The following GRID2 variants were observed in gnomAD, a reference collection of about 807,000 sequenced individuals.
The protein encoded by GRID2 is glutamate receptor ionotropic, delta-2.
Under a neutral mutation model 114.8 loss-of-function variants are expected in GRID2, and 33 were observed. The ratio of observed to expected loss-of-function variants is 0.29; its 90% CI spans 0.22 to 0.38. The LOEUF (loss-of-function observed/expected upper bound fraction) is 0.38, where lower values mean the gene tolerates loss of function less well. Among genes scored for constraint, GRID2 ranks in the 10% least tolerant of loss-of-function variants. The pLI, the probability that GRID2 is intolerant of heterozygous loss-of-function variation, is 1.00. For missense variants in GRID2, 1,184 were observed against 1,257.7 expected, an observed-to-expected ratio of 0.94 and a Z score of 0.89; for synonymous variants, 505 against 449.9, an observed-to-expected ratio of 1.12 and a Z score of -1.55.
intron 2 of GRID2, among the ~76,000 whole-genome samples, chr4:92,909,346 GC>G (rs1437749614): frequency 1.3e-5 from 2 of 150,830 alleles, no homozygotes; most frequent in Admixed American, 6.6e-5. Flanking sequence ...TAATAAAAGA[GC>G]ACTTTTTCAC....
At chr4:93,477,432 T>C (rs1370451658) in intron 11 of GRID2, among the ~76,000 whole-genome samples, 1 of 152,136 alleles carries the variant, frequency 6.6e-6, no homozygotes, top group African/African-American at 2.4e-5. Context: ...TATTGTGAGA[T>C]GCAAACCTAT....
At chr4:93,700,402 A>G (rs1443513568) in intron 14 of GRID2, among the ~76,000 whole-genome samples, 1 of 152,152 alleles carries the variant, frequency 6.6e-6, no homozygotes, top group Non-Finnish European at 1.5e-5. Context: ...GAACATTTCG[A>G]TTGACTCAAT....
At chr4:92,350,583 T>G (rs187620550) in intron 1 of GRID2, among the ~76,000 whole-genome samples, 1 of 151,886 alleles carries the variant, frequency 6.6e-6, no homozygotes, top group Non-Finnish European at 1.5e-5. Flanking sequence ...TATTTGTTTG[T>G]TGACGTTTAA....
At chr4:93,223,114 T>G (rs1035313904) in intron 6 of GRID2, among the ~76,000 whole-genome samples, 1 of 152,150 alleles carries the variant, frequency 6.6e-6, no homozygotes, top group Non-Finnish European at 1.5e-5. Flanking sequence ...TCCTGTTGGG[T>G]CTTTACTGCC....
intron 1 of GRID2, among the ~76,000 whole-genome samples, chr4:92,519,311 T>C (rs757710061): frequency 8.6e-5 from 13 of 151,824 alleles, no homozygotes; most frequent in Non-Finnish European, 1.9e-4. Context: ...ACCCATAAGT[T>C]ATTGTGAAGA....
At chr4:93,726,012 G>T (rs1189519057) in intron 14 of GRID2, among the ~76,000 whole-genome samples, 11 of 152,166 alleles carry the variant, frequency 7.2e-5, no homozygotes, top group Admixed American at 7.2e-4. Flanking sequence ...TCAATCTTTG[G>T]CTTTGGTTGC....
chr4:93,287,673 A>G (rs1483351544), intron 8 of GRID2, among the ~76,000 whole-genome samples: 6 of 152,226 alleles, frequency 3.9e-5, no homozygotes, highest in Admixed American at 3.3e-4. Flanking sequence ...TTCCTAATCT[A>G]TAAACATGTG....
chr4:93,218,134 G>A (rs1744451690), intron 6 of GRID2, among the ~76,000 whole-genome samples: 1 of 151,972 alleles, frequency 6.6e-6, no homozygotes, highest in Non-Finnish European at 1.5e-5. Flanking sequence ...TATCACTGTA[G>A]TACGTGGACT....
At chr4:93,107,838 C>A (rs1732398441) in intron 3 of GRID2, among the ~76,000 whole-genome samples, 1 of 152,150 alleles carries the variant, frequency 6.6e-6, no homozygotes, top group Non-Finnish European at 1.5e-5. Flanking sequence ...CAGACTTAAA[C>A]TGCTTTTCAT....
chr4:92,918,722 GC>G (rs1749035534), intron 2 of GRID2, among the ~76,000 whole-genome samples: 1 of 152,144 alleles, frequency 6.6e-6, no homozygotes, highest in Admixed American at 6.6e-5. Flanking sequence ...TGGTGGATAA[GC>G]TTTTTGATGT....
intron 2 of GRID2, among the ~76,000 whole-genome samples, chr4:92,769,590 C>A (rs1339710858): frequency 5.3e-5 from 8 of 152,228 alleles, no homozygotes; most frequent in Admixed American, 4.6e-4. Flanking sequence ...GACATCCAGG[C>A]ATTTCCATAC....
chr4:92,313,534 G>A (rs1725818058), intron 1 of GRID2, among the ~76,000 whole-genome samples: 2 of 151,798 alleles, frequency 1.3e-5, no homozygotes, highest in Non-Finnish European at 2.9e-5. Context: ...TGGAGGGGAA[G>A]ACGTGCAGAG....
At chr4:93,027,989 T>C (rs1304479151) in intron 2 of GRID2, among the ~76,000 whole-genome samples, 4 of 152,136 alleles carry the variant, frequency 2.6e-5, no homozygotes, top group African/African-American at 9.7e-5. Flanking sequence ...ATCTAAGAAA[T>C]TAGAAGAACA....
At chr4:92,635,253 T>C (rs1015098327) in intron 2 of GRID2, among the ~76,000 whole-genome samples, 1 of 152,080 alleles carries the variant, frequency 6.6e-6, no homozygotes, top group African/African-American at 2.4e-5. Context: ...TCGGCTGTTG[T>C]TTTTAAATTG....
intron 14 of GRID2, among the ~76,000 whole-genome samples, chr4:93,710,869 C>T (rs1728423047): frequency 6.6e-6 from 1 of 152,024 alleles, no homozygotes; most frequent in Admixed American, 6.6e-5. Context: ...ACCACTGCCC[C>T]AGGCCCATGG....
At chr4:92,623,898 A>G (rs1254960014) in intron 2 of GRID2, among the ~76,000 whole-genome samples, 5 of 151,732 alleles carry the variant, frequency 3.3e-5, no homozygotes, top group Admixed American at 3.3e-4. Flanking sequence ...CATGCTATAT[A>G]AAAGGTTAGT....
intron 4 of GRID2, among the ~76,000 whole-genome samples, chr4:93,131,298 C>T (rs1734778913): frequency 6.6e-6 from 1 of 151,340 alleles, no homozygotes; most frequent in African/African-American, 2.4e-5. Context: ...GGACTACAGG[C>T]ACTCGCTTCC....
At chr4:92,729,616 A>G (rs1012718720) in intron 2 of GRID2, among the ~76,000 whole-genome samples, 1 of 152,048 alleles carries the variant, frequency 6.6e-6, no homozygotes, top group Non-Finnish European at 1.5e-5. Flanking sequence ...CAGAAATTCT[A>G]TGCAATTTTT....
chr4:92,486,547 T>TCACACACA lies in GRID2; in HGVS notation c.89-103547_89-103540dup, dbSNP rs72216440. Among the ~76,000 whole-genome samples the TCACACACA allele has an allele frequency of 5.5e-3, 755 of 137,142 alleles. 2 individuals carry two copies. Among genetic ancestry groups the TCACACACA allele is most frequent in the Middle Eastern group, 0.011 (3 of 264 alleles). 90.0% of individuals were successfully genotyped at this position (137,142 alleles called of 152,430 possible). On this transcript the variant is annotated intron_variant, in intron 1 of 15. Transcript: ENST00000282020. ...ATAGCCTTATAAATCTCTCTCTCTTTCACACACACACACACACACACACAC... is the reference window on the plus strand; with the variant it reads ...ATAGCCTTATAAATCTCTCTCTCTTTCACACACACACACACACACACACACACACACAC...
Sources: allele counts gnomAD v4.1 joint callset (sites outside exome capture counted in the v4.1 genomes callset), GRCh38; gene constraint gnomAD v4.1.1; transcripts MANE v1.5; gene names NCBI Gene and HGNC (gene_info 2026-07-23, HGNC 2026-07-21).